SYT2: variants seen among roughly 807,000 people sequenced by gnomAD.
The protein encoded by SYT2 is synaptotagmin 2.
In SYT2, 15 loss-of-function variants were observed where a neutral mutation model predicts 39.9. That is an observed-to-expected ratio of 0.38 (90% CI 0.25 to 0.58). The LOEUF (loss-of-function observed/expected upper bound fraction) is 0.58, where lower values mean the gene tolerates loss of function less well. Among genes scored for constraint, SYT2 ranks in the 20% least tolerant of loss-of-function variants. The pLI is 0.70. For synonymous variants in SYT2, 181 were observed against 204.5 expected (o/e 0.89, Z 0.98); for missense variants, 389 against 530.3 (o/e 0.73, Z 2.62).
chr1:202,631,686 T>G (rs1691598039), intron 1 of SYT2, among the ~76,000 whole-genome samples: 1 of 152,082 alleles, frequency 6.6e-6, no homozygotes, highest in African/African-American at 2.4e-5. Flanking sequence ...TGTGGGAGAA[T>G]AGATTTAGGC....
At chr1:202,607,545 C>G (rs1036508420) in intron 1 of SYT2, among the ~76,000 whole-genome samples, 1 of 152,134 alleles carries the variant, frequency 6.6e-6, no homozygotes, top group African/African-American at 2.4e-5. Flanking sequence ...AAGTTCTGTC[C>G]CTTCCTTTAA....
At chr1:202,665,546 T>A (rs1014473562) in intron 1 of SYT2, among the ~76,000 whole-genome samples, 2 of 152,190 alleles carry the variant, frequency 1.3e-5, no homozygotes, top group Admixed American at 1.3e-4. Flanking sequence ...AGTCTATAGC[T>A]GGGAAGATAA....
At chr1:202,617,898 C>T (rs530848051) in intron 1 of SYT2, among the ~76,000 whole-genome samples, 2 of 152,276 alleles carry the variant, frequency 1.3e-5, no homozygotes, top group South Asian at 2.1e-4. Context: ...CACTTGTTTA[C>T]GCATTTTTTG....
intron 8 of SYT2, among the ~76,000 whole-genome samples, chr1:202,597,179 T>C (rs1690329609): frequency 6.6e-6 from 1 of 152,174 alleles, no homozygotes; most frequent in South Asian, 2.1e-4. Context: ...TTATTGAGGA[T>C]GTACTGTGCT....
chr1:202,603,934 AAG>A (rs1188439516), intron 3 of SYT2, among the ~76,000 whole-genome samples: 1 of 152,158 alleles, frequency 6.6e-6, no homozygotes, highest in Non-Finnish European at 1.5e-5. Context: ...GCAAACTTAA[AAG>A]AAGAAAAGGA....
intron 1 of SYT2, among the ~76,000 whole-genome samples, chr1:202,615,097 A>C (rs902976820): frequency 4.6e-5 from 7 of 152,210 alleles, no homozygotes; most frequent in Non-Finnish European, 1.0e-4. Flanking sequence ...CCGAGCTCTT[A>C]TGAAAGACAG....
chr1:202,684,020 T>G (rs1653595109), intron 1 of SYT2, among the ~76,000 whole-genome samples: 1 of 152,026 alleles, frequency 6.6e-6, no homozygotes, highest in Admixed American at 6.6e-5. Context: ...TTATATATTA[T>G]AATACATATT....
intron 1 of SYT2, among the ~76,000 whole-genome samples, chr1:202,660,175 A>T (rs1692351318): frequency 6.6e-6 from 1 of 152,092 alleles, no homozygotes; most frequent in African/African-American, 2.4e-5. Flanking sequence ...CACAAGGGGG[A>T]ACATCTCACC....
At chr1:202,647,419 G>T (rs16850184) in intron 1 of SYT2, among the ~76,000 whole-genome samples, 2 of 151,964 alleles carry the variant, frequency 1.3e-5, no homozygotes, top group Non-Finnish European at 2.9e-5. Flanking sequence ...CTCTCTGAGC[G>T]ATCTAGGCCT....
At chr1:202,685,541 T>C (rs972375133) in intron 1 of SYT2, among the ~76,000 whole-genome samples, 4 of 152,194 alleles carry the variant, frequency 2.6e-5, no homozygotes, top group African/African-American at 9.6e-5. Flanking sequence ...CAGCCCTTCG[T>C]TGACCCAGCT....
chr1:202,606,217 G>A (rs1225519588), intron 1 of SYT2, among the ~76,000 whole-genome samples: 1 of 152,128 alleles, frequency 6.6e-6, no homozygotes, highest in African/African-American at 2.4e-5. Context: ...TTTAACAGAT[G>A]GGGAAACAGG....
At position 202,607,769 on chromosome 1, in the gene SYT2, C is replaced by T. The variant is rs991376630; in HGVS notation, c.-17-1980G>A. On this transcript the variant is annotated intron_variant, in intron 1 of 8. Coordinates refer to ENST00000367268, the MANE Select transcript of SYT2 (RefSeq NM_177402.5). Reference sequence around the variant, plus strand: ...GCCTCTGGGGACAAAGAGATGGGTCCGGTTTGGCGGGAACTGCAAGTAGCC... The same window carrying T: ...GCCTCTGGGGACAAAGAGATGGGTCTGGTTTGGCGGGAACTGCAAGTAGCC... 3.9e-5 allele frequency among the ~76,000 whole-genome samples: 6 copies of T among 152,288 alleles called. No homozygotes were observed. The East Asian group carries it at 5.8e-4, about 15-fold the overall frequency.
chr1:202,677,065 G>T (rs1481748573), intron 1 of SYT2, among the ~76,000 whole-genome samples: 3 of 152,060 alleles, frequency 2.0e-5, no homozygotes, highest in Non-Finnish European at 4.4e-5. Context: ...TTCACTTTCT[G>T]CCACGATTGT....
chr1:202,604,356 T>C, intron 3 of SYT2, 99 bp downstream of exon 3: 2 of 1,248,190 alleles, frequency 1.6e-6, no homozygotes, highest in South Asian at 1.4e-5. Flanking sequence ...GGGGAGCAGG[T>C]TTGGCTGTGG....
chr1:202,688,264 T>C (rs1188823611), intron 1 of SYT2, among the ~76,000 whole-genome samples: 1 of 152,218 alleles, frequency 6.6e-6, no homozygotes, highest in Non-Finnish European at 1.5e-5. Flanking sequence ...GCTCCGTCTT[T>C]CTCCTCCAGC....
At chr1:202,704,432 C>G (rs542567002) in intron 1 of SYT2, among the ~76,000 whole-genome samples, 1 of 152,042 alleles carries the variant, frequency 6.6e-6, no homozygotes, top group African/African-American at 2.4e-5. Flanking sequence ...GAGGAAAAGG[C>G]GGGAGGAAAG....
chr1:202,640,191 C>T (rs1240865497), intron 1 of SYT2, among the ~76,000 whole-genome samples: 1 of 152,170 alleles, frequency 6.6e-6, no homozygotes, highest in Non-Finnish European at 1.5e-5. Flanking sequence ...GGACTGGAAT[C>T]ACGGGGCAGT....
intron 1 of SYT2, among the ~76,000 whole-genome samples, chr1:202,707,877 C>T (rs1210771008): frequency 6.6e-6 from 1 of 152,176 alleles, no homozygotes; most frequent in East Asian, 1.9e-4. Flanking sequence ...AGAGGCTTCT[C>T]CAGCCACCTC....
chr1:202,612,534 AT>A (rs1410259764), intron 1 of SYT2, among the ~76,000 whole-genome samples: 1 of 152,020 alleles, frequency 6.6e-6, no homozygotes, highest in African/African-American at 2.4e-5. Context: ...CAACTGGCTA[AT>A]TTTTGTATTT....
Sources: gnomAD v4.1 joint callset for allele counts (sites outside exome capture counted in the v4.1 genomes callset) on GRCh38, gnomAD v4.1.1 for gene constraint, MANE v1.5 for transcripts, NCBI Gene and HGNC (gene_info 2026-07-23, HGNC 2026-07-21) for gene names.